The following HTT variants were observed in gnomAD, a reference collection of about 807,000 sequenced individuals.
HTT encodes the protein huntingtin, also known as huntington disease protein.
HTT carries 104 observed loss-of-function variants against 362.3 expected under a neutral mutation model. The observed-to-expected ratio is 0.29, with a 90% CI of 0.24 to 0.34. The LOEUF is 0.34. Among genes scored for constraint, HTT ranks in the 10% least tolerant of loss-of-function variants. HTT has a pLI of 1.00. For synonymous variants in HTT, 1,577 were observed against 1,548.7 expected (o/e 1.02, Z -0.43); for missense variants, 3,301 against 3,928.6 (o/e 0.84, Z 4.27).
chr4:3,151,352 GAGAGAGAGAGAGAGAC>G (rs1329679108), intron 26 of HTT, among the ~76,000 whole-genome samples: 1 of 149,340 alleles, frequency 6.7e-6, no homozygotes, highest in Non-Finnish European at 1.5e-5. Flanking sequence ...AAGAGAGAAG[GAGAGAGAGAGAGAGAC>G]AGAGAGAGAG....
At chr4:3,182,753 G>C (rs564806158) in intron 37 of HTT, among the ~76,000 whole-genome samples, 2 of 152,294 alleles carry the variant, frequency 1.3e-5, no homozygotes, top group Admixed American at 1.3e-4. Flanking sequence ...GCGGGCCAAG[G>C]CTAACTCTAA....
intron 40 of HTT, among the ~76,000 whole-genome samples, chr4:3,193,697 G>A (rs908774219): frequency 6.6e-6 from 1 of 152,210 alleles, no homozygotes; most frequent in African/African-American, 2.4e-5. Context: ...CACATGTGGT[G>A]TTCTGTACCT....
intron 18 of HTT, 122 bp from the exon 19 acceptor site, chr4:3,134,279 A>T (rs1560562878): frequency 1.1e-5 from 8 of 738,184 alleles, no homozygotes; most frequent in Non-Finnish European, 1.5e-5. Flanking sequence ...AAAATGCAAC[A>T]TCCTGGTTGC....
chr4:3,113,082 C>G, intron 6 of HTT: 3 of 895,720 alleles, frequency 3.3e-6, no homozygotes, highest in Non-Finnish European at 4.0e-6. Flanking sequence ...AAAAGTGGCA[C>G]TATCTATTCT....
rs761469680 is a variant in HTT at position 3,235,288 on chromosome 4, G to A, written c.8461G>A (p.Val2821Met). 9.3e-6 allele frequency: 15 copies of A among 1,610,962 alleles called. No individual in the cohort carries two copies. Among genetic ancestry groups the A allele is most frequent in the East Asian group, 6.7e-5 (3 of 44,878 alleles). Residue 2821 changes from valine (V) to methionine (M), a missense_variant, in exon 62 of 67, where the codon GTG becomes ATG. Physicochemically the swap from Val to Met is conservative, Grantham distance 21 (BLOSUM62 1). This residue lies in a region of HTT where 753 missense variants were observed against 1,021.3 expected (regional missense o/e 0.74). Transcript: ENST00000355072. ...LSNLKGIAHC[V>M]NIHSQQHVLV... ...GATGCTGTCTCCCGTTTTCAGCTGC[G>A]TGAACATTCACAGCCAGCAGCACGT...
At chr4:3,196,276 C>T (rs567999705) in intron 40 of HTT, among the ~76,000 whole-genome samples, 7 of 152,288 alleles carry the variant, frequency 4.6e-5, no homozygotes, top group Non-Finnish European at 8.8e-5. Context: ...CTGGAAGGGA[C>T]CCTGGGTTCC....
chr4:3,130,335 T>C lies in HTT; in HGVS notation c.1898T>C (p.Met633Thr), dbSNP rs367861014. 4.4e-5 allele frequency: 71 copies of C among 1,599,960 alleles called. No individual in the cohort carries two copies. Among genetic ancestry groups the C allele is most frequent in the Non-Finnish European group, 5.9e-5 (69 of 1,171,486 alleles). The change falls in exon 14 of 67, where the codon ATG becomes ACG. Residue 633 changes from methionine (M) to threonine (T), a missense_variant. Met to Thr is a moderately conservative substitution (Grantham distance 81, BLOSUM62 -1). Transcript: ENST00000355072. ...ALQQAHLLKN[M>T]SHCRQPSDSS... ...CAACAGGCACATTTATTGAAAAACA[T>C]GAGTCACTGCAGGCAGCCTTCTGAC...
chr4:3,134,165 TGGAA>T (rs1428841351), intron 18 of HTT, among the ~76,000 whole-genome samples: 3 of 152,160 alleles, frequency 2.0e-5, no homozygotes, highest in Non-Finnish European at 4.4e-5. Flanking sequence ...TAAGCAGAAA[TGGAA>T]GGAAGAAAGA....
Position 3,074,768 on chromosome 4 carries a change from C to G in HTT, c.-58C>G, listed in dbSNP as rs959428451. The G allele has an allele frequency of 6.7e-7, 1 of 1,490,172 alleles. No homozygotes were observed. Among genetic ancestry groups the G allele is most frequent in the Non-Finnish European group, 8.9e-7 (1 of 1,122,638 alleles). 92.3% of individuals were successfully genotyped at this position (1,490,172 alleles called of 1,614,324 possible). On this transcript the variant is annotated 5_prime_UTR_variant, in exon 1 of 67. Transcript: ENST00000355072. ...CCCCATTCATTGCCCCGGTGCTGAG[C>G]GGCGCCGCGAGTCGGCCCGAGGCCT...
intron 29 of HTT, among the ~76,000 whole-genome samples, chr4:3,172,005 A>G (rs1718004800): frequency 6.6e-6 from 1 of 152,204 alleles, no homozygotes; most frequent in South Asian, 2.1e-4. Context: ...GCTGCTTTGC[A>G]CACTTCTGAA....
chr4:3,197,722 C>G (rs951050050), intron 40 of HTT, among the ~76,000 whole-genome samples: 1 of 152,168 alleles, frequency 6.6e-6, no homozygotes, highest in Non-Finnish European at 1.5e-5. Flanking sequence ...CAAGGTCACC[C>G]AGGTAGTAGA....
intron 1 of HTT, 54 bp from the exon 2 acceptor site, chr4:3,086,885 A>G: frequency 2.2e-6 from 2 of 925,062 alleles, no homozygotes; most frequent in Non-Finnish European, 3.5e-6. Context: ...GTGTAGAACT[A>G]AGTGGAGTGG....
intron 26 of HTT, 121 bp downstream of exon 26, chr4:3,148,328 T>C (rs1716708523): frequency 1.3e-6 from 1 of 745,202 alleles, no homozygotes; most frequent in Non-Finnish European, 2.1e-6. Context: ...ACAAAATTGC[T>C]CAGATTGTGA....
At chr4:3,137,980 A>C (rs904975062) in intron 21 of HTT, among the ~76,000 whole-genome samples, 2 of 152,142 alleles carry the variant, frequency 1.3e-5, no homozygotes, top group Non-Finnish European at 1.5e-5. Context: ...ACATGTCTTC[A>C]TTTCTCTTGA....
At chr4:3,164,748 C>CT (rs1187666379) in intron 29 of HTT, among the ~76,000 whole-genome samples, 15 of 151,196 alleles carry the variant, frequency 9.9e-5, no homozygotes, top group South Asian at 6.3e-4. Context: ...GCAATCCCTG[C>CT]TTTTTTTTTG....
chr4:3,135,691 A>C (rs1387848170), intron 19 of HTT, among the ~76,000 whole-genome samples: 1 of 152,210 alleles, frequency 6.6e-6, no homozygotes. Flanking sequence ...GAAAAAGAAA[A>C]ACAGTTTACT....
chr4:3,080,890 T>C (rs572130891), intron 1 of HTT, among the ~76,000 whole-genome samples: 2 of 152,370 alleles, frequency 1.3e-5, no homozygotes, highest in South Asian at 2.1e-4. Flanking sequence ...TGTTGAAAAT[T>C]AATCGTCCTT....
chr4:3,103,221 A>ATTTTTT (rs748779241), intron 3 of HTT, among the ~76,000 whole-genome samples: 1 of 109,070 alleles, frequency 9.2e-6, no homozygotes, highest in African/African-American at 3.7e-5. Context: ...TATATATATA[A>ATTTTTT]TTTTTTTTTT....
intron 60 of HTT, among the ~76,000 whole-genome samples, chr4:3,232,660 G>A (rs1385171697): frequency 6.6e-6 from 1 of 152,236 alleles, no homozygotes; most frequent in Non-Finnish European, 1.5e-5. Context: ...AAGAAAATTA[G>A]CAAGGGCAGA....
Sources: gnomAD v4.1 joint callset for allele counts (sites outside exome capture counted in the v4.1 genomes callset) on GRCh38, gnomAD v4.1.1 for gene constraint, gnomAD v4.1.1 regional missense constraint, MANE v1.5 for transcripts, NCBI Gene and HGNC (gene_info 2026-07-23, HGNC 2026-07-21) for gene names.